The following B4GALT5 variants were observed in gnomAD, a reference collection of about 807,000 sequenced individuals.
The protein encoded by B4GALT5 is beta-1,4-galactosyltransferase 5.
B4GALT5 carries 11 observed loss-of-function variants against 45.0 expected under a neutral mutation model. That is an observed-to-expected ratio of 0.24 (90% CI 0.15 to 0.40). B4GALT5 has a LOEUF of 0.40. Ranked by LOEUF, B4GALT5 falls within the 10% of genes least tolerant of loss-of-function variation. The pLI is 1.00. For missense variants in B4GALT5, 337 were observed against 500.2 expected (o/e 0.67, Z 3.11); for synonymous variants, 185 against 182.9 (o/e 1.01, Z -0.09).
chr20:49,672,097 C>T (rs1418123447), intron 1 of B4GALT5, among the ~76,000 whole-genome samples: 2 of 152,188 alleles, frequency 1.3e-5, no homozygotes. Context: ...AGCCTACCAT[C>T]CAAACATATT....
At chr20:49,681,920 AC>A (rs760264705) in intron 1 of B4GALT5, among the ~76,000 whole-genome samples, 3 of 152,096 alleles carry the variant, frequency 2.0e-5, no homozygotes, top group Non-Finnish European at 4.4e-5. Context: ...ACCTGGCAAG[AC>A]CCCGTCTCTA....
intron 2 of B4GALT5, 30 bp from the exon 3 acceptor site, chr20:49,647,108 G>A (rs767365950): frequency 7.2e-7 from 1 of 1,395,864 alleles, no homozygotes. Flanking sequence ...AAGTCGATCA[G>A]ACTGGTATGT....
intron 1 of B4GALT5, among the ~76,000 whole-genome samples, chr20:49,698,905 C>A (rs370686863): frequency 1.3e-5 from 2 of 152,104 alleles, no homozygotes; most frequent in East Asian, 3.8e-4. Flanking sequence ...CCACACCAAC[C>A]ACACGGTTTT....
intron 1 of B4GALT5, among the ~76,000 whole-genome samples, chr20:49,663,341 T>C (rs962189376): frequency 1.3e-5 from 2 of 151,978 alleles, no homozygotes; most frequent in African/African-American, 4.8e-5. Context: ...TCAACAAAAT[T>C]TACCTTCCCC....
intron 1 of B4GALT5, among the ~76,000 whole-genome samples, chr20:49,657,644 T>C (rs143353001): frequency 3.0e-4 from 45 of 152,260 alleles, no homozygotes; most frequent in African/African-American, 1.1e-3. Context: ...AATCTAAACT[T>C]TGTGGGTGTC....
intron 1 of B4GALT5, among the ~76,000 whole-genome samples, chr20:49,683,978 T>G (rs182465145): frequency 6.4e-4 from 97 of 151,560 alleles, no homozygotes; most frequent in African/African-American, 2.2e-3. Flanking sequence ...CTGTCTCTAC[T>G]AAAAATACAA....
chr20:49,636,907 GACACACACAC>G (rs5841760), intron 8 of B4GALT5, among the ~76,000 whole-genome samples: 3 of 146,388 alleles, frequency 2.0e-5, no homozygotes, highest in Non-Finnish European at 4.5e-5. Context: ...ATTTAGAAAA[GACACACACAC>G]ACACACACAC....
chr20:49,700,781 C>G (rs1244052518), intron 1 of B4GALT5, among the ~76,000 whole-genome samples: 1 of 152,204 alleles, frequency 6.6e-6, no homozygotes, highest in Non-Finnish European at 1.5e-5. Context: ...GGGGACAGAG[C>G]AGGATGGTGA....
chr20:49,651,235 G>A (rs887453189), intron 2 of B4GALT5, among the ~76,000 whole-genome samples: 2 of 151,780 alleles, frequency 1.3e-5, no homozygotes, highest in East Asian at 1.9e-4. Flanking sequence ...GCAGTGAGCC[G>A]AGATCCCGCC....
chr20:49,696,907 T>C (rs1359930820), intron 1 of B4GALT5, among the ~76,000 whole-genome samples: 3 of 152,212 alleles, frequency 2.0e-5, no homozygotes, highest in African/African-American at 7.2e-5. Flanking sequence ...AAATTCACAA[T>C]GAAGAGTCGG....
chr20:49,636,234 C>G lies in B4GALT5; in HGVS notation c.*78G>C, dbSNP rs1422685131. The G allele has an allele frequency of 3.1e-5, 47 of 1,539,514 alleles. 1 individual carries two copies. Among genetic ancestry groups the G allele is most frequent in the Non-Finnish European group, 8.9e-7 (1 of 1,125,772 alleles). On this transcript the variant is annotated 3_prime_UTR_variant, in exon 9 of 9. Coordinates refer to ENST00000371711, the MANE Select transcript of B4GALT5 (RefSeq NM_004776.4). The stretch of plus-strand genomic sequence containing the variant: ...ATTTCTGTTCTCTTGCTGTGTAGAC[C>G]CTCCCCCCTCCAAAAAAAAATCTCA...
chr20:49,634,213 A>C lies in B4GALT5; in HGVS notation c.*2099T>G, dbSNP rs185761216. 2,450 of 152,698 alleles carry C rather than the reference A, an allele frequency of 0.016. 37 individuals are homozygous for C. Among genetic ancestry groups the C allele is most frequent in the East Asian group, 0.083 (428 of 5,178 alleles). The allele number at this position is 152,698 out of a possible 1,614,324, so 9.5% of individuals were successfully genotyped here. On this transcript the variant is annotated 3_prime_UTR_variant, in exon 9 of 9. Coordinates refer to ENST00000371711, the MANE Select transcript of B4GALT5 (RefSeq NM_004776.4). ...AAAACACAAACAAACAAACAAACAA[A>C]ACAAGGCCTGGCCAATCACTCCCAC...
chr20:49,649,007 T>C (rs891476556), intron 2 of B4GALT5, among the ~76,000 whole-genome samples: 7 of 152,250 alleles, frequency 4.6e-5, no homozygotes, highest in Non-Finnish European at 7.3e-5. Context: ...AATTCTAGAA[T>C]CTTCAACTAA....
intron 4 of B4GALT5, 147 bp from the exon 5 acceptor site, chr20:49,642,731 T>C (rs182468791): frequency 1.6e-6 from 1 of 639,490 alleles, no homozygotes; most frequent in East Asian, 2.6e-5. Flanking sequence ...CAAAGATCTA[T>C]GTTGGCAAGT....
intron 1 of B4GALT5, among the ~76,000 whole-genome samples, chr20:49,702,987 C>T (rs1210166731): frequency 1.3e-5 from 2 of 151,660 alleles, no homozygotes; most frequent in Admixed American, 6.6e-5. Flanking sequence ...TCCTGGCTGA[C>T]ACGATGAAAC....
chr20:49,703,611 G>A (rs978493042), intron 1 of B4GALT5, among the ~76,000 whole-genome samples: 4 of 151,916 alleles, frequency 2.6e-5, no homozygotes, highest in African/African-American at 4.8e-5. Flanking sequence ...AGATTCAGCC[G>A]GGCATGGTGG....
chr20:49,638,733 AG>A (rs2085564105), intron 7 of B4GALT5, among the ~76,000 whole-genome samples: 1 of 152,184 alleles, frequency 6.6e-6, no homozygotes, highest in African/African-American at 2.4e-5. Flanking sequence ...AAAAAAAAAA[AG>A]AGCCTTAAAA....
intron 1 of B4GALT5, among the ~76,000 whole-genome samples, chr20:49,699,715 C>T (rs1032182461): frequency 2.6e-5 from 4 of 152,192 alleles, no homozygotes; most frequent in Non-Finnish European, 5.9e-5. Flanking sequence ...AAGGTAGGAA[C>T]GGCATCATGC....
At chr20:49,692,626 T>C (rs2085819223) in intron 1 of B4GALT5, among the ~76,000 whole-genome samples, 1 of 152,260 alleles carries the variant, frequency 6.6e-6, no homozygotes, top group South Asian at 2.1e-4. Flanking sequence ...CCTAGGAGGC[T>C]GAGTATATCC....
Sources: gnomAD v4.1 joint callset for allele counts (sites outside exome capture counted in the v4.1 genomes callset) on GRCh38, gnomAD v4.1.1 for gene constraint, MANE v1.5 for transcripts, NCBI Gene and HGNC (gene_info 2026-07-23, HGNC 2026-07-21) for gene names.